The following SPTA1 variants were observed in gnomAD, a reference collection of about 807,000 sequenced individuals.
The protein encoded by SPTA1 is spectrin alpha, erythrocytic 1.
In SPTA1, 177 loss-of-function variants were observed where a neutral mutation model predicts 324.7. That is an observed-to-expected ratio of 0.55 (90% confidence interval 0.48 to 0.62). The LOEUF is 0.62. SPTA1 is among the 20% of genes least tolerant of loss of function. The pLI, the probability that SPTA1 is intolerant of heterozygous loss-of-function variation, is 0.00. For synonymous variants in SPTA1, 1,195 were observed against 1,041.3 expected (o/e 1.15, Z -2.84); for missense variants, 3,162 against 2,883.6 (o/e 1.10, Z -2.21).
At position 158,642,899 on chromosome 1, in the gene SPTA1, C is replaced by G. The variant is rs764436700; in HGVS notation, c.4520G>C (p.Arg1507Pro). 4 of 1,613,732 alleles carry G rather than the reference C, an allele frequency of 2.5e-6. No homozygotes were observed. In the South Asian group the frequency reaches 3.3e-5, roughly 13 times the overall value. ...GDYANLKQFYRDLEELEEWIS... is the reference protein window; with the variant it reads ...GDYANLKQFYPDLEELEEWIS... ...CCATTCTTCCAGCTCCTCAAGGTCT[C>G]GGTAGAATTGTTTTAGGTTGGCATA... is the stretch of plus-strand genomic sequence containing the variant. Residue 1507 changes from arginine (R) to proline (P), a missense_variant, in exon 32 of 52, where the codon CGA becomes CCA. Transcript: ENST00000643759.
chr1:158,633,738 A>G (rs759822159), intron 39 of SPTA1, among the ~76,000 whole-genome samples: 52 of 152,060 alleles, frequency 3.4e-4, no homozygotes, highest in Non-Finnish European at 5.6e-4. Flanking sequence ...AGCATTTGAT[A>G]GGAAGCCTTA....
At chr1:158,648,362 G>C in intron 26 of SPTA1, 147 bp downstream of exon 26, 2 of 1,216,564 alleles carry the variant, frequency 1.6e-6, no homozygotes, top group Non-Finnish European at 2.3e-6. Context: ...TCTTGCCTTA[G>C]GGACAGTGTA....
At chr1:158,636,613 A>T (rs1207753673) in intron 37 of SPTA1, 28 bp downstream of exon 37, 1 of 1,613,266 alleles carries the variant, frequency 6.2e-7, no homozygotes, top group Non-Finnish European at 8.5e-7. Flanking sequence ...TGATTTCTAT[A>T]TTTTCAGATC....
At chr1:158,675,144 G>C (rs1382362867) in intron 8 of SPTA1, among the ~76,000 whole-genome samples, 1 of 152,088 alleles carries the variant, frequency 6.6e-6, no homozygotes. Flanking sequence ...ATTTTAAAAA[G>C]TTAAATGCTC....
chr1:158,636,909 T>C lies in SPTA1; in HGVS notation c.5190-148A>G, dbSNP rs112801389. The C allele has an allele frequency of 1.7e-3, 2,415 of 1,397,226 alleles. 35 individuals carry two copies. In the African/African-American group the frequency reaches 0.031, roughly 18 times the overall value. The allele number at this position is 1,397,226 out of a possible 1,614,324, so 86.6% of individuals were successfully genotyped here. On this transcript the variant is annotated intron_variant, in intron 36 of 51. Transcript: ENST00000643759. ...ACCCTGGTGCCAATGACCAAAAATA[T>C]AATTAGTGGAAGAGGCTTGCAGCAA...
chr1:158,660,978 G>A (rs1295783800), intron 18 of SPTA1, among the ~76,000 whole-genome samples: 1 of 152,102 alleles, frequency 6.6e-6, no homozygotes, highest in African/African-American at 2.4e-5. Flanking sequence ...TAATTCATAG[G>A]GCTTTGTAAA....
chr1:158,683,041 A>G (rs1345659295), intron 3 of SPTA1, among the ~76,000 whole-genome samples: 1 of 152,152 alleles, frequency 6.6e-6, no homozygotes, highest in Non-Finnish European at 1.5e-5. Context: ...TTGAGGTTAG[A>G]GGAAATAATT....
chr1:158,676,051 T>C, intron 8 of SPTA1, 90 bp downstream of exon 8: 2 of 1,568,748 alleles, frequency 1.3e-6, no homozygotes, highest in Non-Finnish European at 1.7e-6. Context: ...TCTCTCGCTA[T>C]TTGACTCCCT....
intron 47 of SPTA1, among the ~76,000 whole-genome samples, chr1:158,617,221 A>G (rs909698817): frequency 1.8e-4 from 27 of 152,194 alleles, no homozygotes; most frequent in Non-Finnish European, 3.4e-4. Flanking sequence ...CTTTGTAGCC[A>G]CAAAACGTGA....
chr1:158,676,373 A>G (rs1383281707), intron 7 of SPTA1, 78 bp from the exon 8 acceptor site: 1 of 1,448,282 alleles, frequency 6.9e-7, no homozygotes, highest in Non-Finnish European at 9.6e-7. Flanking sequence ...GGAGAGGTAT[A>G]AAAAATCATA....
intron 3 of SPTA1, among the ~76,000 whole-genome samples, chr1:158,682,127 T>C (rs1654859601): frequency 1.3e-5 from 2 of 152,160 alleles, no homozygotes; most frequent in Non-Finnish European, 2.9e-5. Flanking sequence ...TATAAGGAAA[T>C]CATTGGCACC....
At position 158,662,901 on chromosome 1, in the gene SPTA1, T is replaced by A. The variant is rs1036058768; in HGVS notation, c.2265A>T (p.Glu755Asp). Residue 755 changes from glutamate to aspartate, a missense_variant, in exon 17 of 52, where the codon GAA becomes GAT. Coordinates refer to ENST00000643759, the MANE Select transcript of SPTA1 (RefSeq NM_003126.4). ...ILTDLAAYFE[E>D]IGHPDSKDIR... The stretch of plus-strand genomic sequence containing the variant: ...TATCCTTAGAATCAGGATGGCCTAT[T>A]TCTTCAAAATATGCAGCCAGGTCTG... 6.2e-7 allele frequency: 1 copy of A among 1,614,096 alleles called. No individual in the cohort carries two copies. The highest frequency in any genetic ancestry group is 8.5e-7 in the Non-Finnish European group (1 of 1,179,974).
chr1:158,642,639 A>G (rs1190081429), intron 32 of SPTA1, 97 bp from the exon 33 acceptor site: 1 of 1,579,992 alleles, frequency 6.3e-7, no homozygotes, highest in African/African-American at 1.4e-5. Context: ...TATTTCTATC[A>G]TAACTGAGGT....
chr1:158,613,686 C>T (rs2298799), intron 50 of SPTA1, 35 bp downstream of exon 50: 2 of 1,613,314 alleles, frequency 1.2e-6, no homozygotes, highest in South Asian at 2.2e-5. Context: ...AAACCCCCAT[C>T]CCTGCTGCGG....
chr1:158,624,062 A>C (rs902398698), intron 42 of SPTA1, among the ~76,000 whole-genome samples: 32 of 152,200 alleles, frequency 2.1e-4, no homozygotes, highest in Non-Finnish European at 4.0e-4. Context: ...AGAAGTCAAG[A>C]ATTGAGGTTT....
At chr1:158,678,599 CA>C in intron 5 of SPTA1, 65 bp from the exon 6 acceptor site, 1 of 1,565,380 alleles carries the variant, frequency 6.4e-7, no homozygotes, top group Non-Finnish European at 8.7e-7. Flanking sequence ...ATTATTCAAA[CA>C]CTTTTCATTT....
intron 12 of SPTA1, among the ~76,000 whole-genome samples, chr1:158,670,749 T>A (rs1653963263): frequency 6.6e-6 from 1 of 151,914 alleles, no homozygotes; most frequent in Non-Finnish European, 1.5e-5. Context: ...TAGTCATATA[T>A]GATGAAAAAC....
rs761263855 is a variant in SPTA1 at position 158,674,336 on chromosome 1, C to T, written c.1343G>A (p.Arg448Gln). ...NANHEASDEVREKMEILDNNW... is the reference protein window; with the variant it reads ...NANHEASDEVQEKMEILDNNW... Reference sequence around the variant, plus strand: ...TCTGTTAAACTAGATTACCTTTTCCCGAACTTCATCAGAGGCTTCATGATT... The same window carrying T: ...TCTGTTAAACTAGATTACCTTTTCCTGAACTTCATCAGAGGCTTCATGATT... Residue 448 changes from arginine to glutamine, a missense_variant, in exon 10 of 52, where the codon CGG becomes CAG. Coordinates refer to ENST00000643759, the MANE Select transcript of SPTA1 (RefSeq NM_003126.4). The T allele has an allele frequency of 2.6e-5, 42 of 1,613,816 alleles. No homozygotes were observed. Among genetic ancestry groups the T allele is most frequent in the South Asian group, 1.8e-4 (16 of 91,068 alleles).
Position 158,657,592 on chromosome 1 carries a change from G to C in SPTA1, c.2690C>G (p.Ala897Gly), listed in dbSNP as rs2101878318. The change falls in exon 19 of 52, where the codon GCC becomes GGC. Residue 897 changes from alanine (A) to glycine (G), a missense_variant. By Grantham distance (60) the Ala-to-Gly change is moderately conservative. Transcript: ENST00000643759. Reference protein sequence around the residue: ...RAARRQNDLEANVQFQQYLAD... With the variant: ...RAARRQNDLEGNVQFQQYLAD... ...CAGGTACTGCTGGAACTGGACATTG[G>C]CTTCAAGATCATTTTGTCGCCTAGC... 4 of 1,614,056 alleles carry C rather than the reference G, an allele frequency of 2.5e-6. No individual in the cohort carries two copies. Among genetic ancestry groups the C allele is most frequent in the Non-Finnish European group, 3.4e-6 (4 of 1,179,988 alleles).
Sources: allele counts gnomAD v4.1 joint callset (sites outside exome capture counted in the v4.1 genomes callset), GRCh38; gene constraint gnomAD v4.1.1; transcripts MANE v1.5; gene names NCBI Gene and HGNC (gene_info 2026-07-23, HGNC 2026-07-21).